Variants in APTX observed in about 807,000 individuals in gnomAD.
The protein encoded by APTX is aprataxin.
A neutral mutation model predicts 42.3 loss-of-function variants in APTX; 33 were observed. The observed-to-expected ratio is 0.78, with a 90% CI of 0.59 to 1.04. The LOEUF is 1.04. Ranked by LOEUF, APTX falls within the 50% of genes least tolerant of loss-of-function variation. APTX has a pLI of 0.00. For missense variants in APTX, 421 were observed against 415.1 expected (o/e 1.01, Z -0.12); for synonymous variants, 130 against 146.7 (o/e 0.89, Z 0.82).
Position 33,020,217 on chromosome 9 carries a change from C to T in APTX, c.-5+4806G>A, listed in dbSNP as rs917728624. The T allele has an allele frequency of 2.4e-5, 5 of 204,920 alleles. No homozygotes were observed. In the South Asian group the frequency reaches 6.9e-4, roughly 28 times the overall value. 12.7% of individuals were successfully genotyped at this position (204,920 alleles called of 1,614,324 possible). A position where few individuals can be genotyped will look rare whatever the true frequency, so the allele number is the denominator to read the frequency against. The stretch of plus-strand genomic sequence containing the variant: ...TGTACTCATTCAAACCTGGACTCAC[C>T]TTTTCCTTCACCCAATTTTGCTCCT... On this transcript the variant is annotated intron_variant, in intron 1 of 6. Coordinates refer to the APTX transcript ENST00000436040.
At chr9:32,989,993 T>A in intron 1 of APTX, 98 bp from the exon 2 acceptor site, 1 of 1,485,280 alleles carries the variant, frequency 6.7e-7, no homozygotes. Flanking sequence ...ATCTACCAGC[T>A]GTTCATCTTG....
intron 1 of APTX, among the ~76,000 whole-genome samples, chr9:32,990,673 G>T (rs1381284573): frequency 6.6e-6 from 1 of 152,166 alleles, no homozygotes; most frequent in African/African-American, 2.4e-5. Context: ...CCAGTAAAAG[G>T]ACTGACTGAC....
chr9:32,973,335 T>C lies in APTX; in HGVS notation c.*163A>G, dbSNP rs1483019016. ...CCCAAATTCCTAATCCTGAAGTACT[T>C]TGAGCCACTCTACATTGTGGCCACT... is the stretch of plus-strand genomic sequence containing the variant. On this transcript the variant is annotated 3_prime_UTR_variant, in exon 8 of 8. Coordinates refer to ENST00000379817, the MANE Select transcript of APTX (RefSeq NM_001195248.2). The C allele has an allele frequency of 2.4e-6, 2 of 847,998 alleles. No homozygotes were observed. Among genetic ancestry groups the C allele is most frequent in the Admixed American group, 2.0e-5 (1 of 50,618 alleles). 52.5% of individuals were successfully genotyped at this position (847,998 alleles called of 1,614,324 possible). A position where few individuals can be genotyped will look rare whatever the true frequency, so the allele number is the denominator to read the frequency against.
upstream of APTX, among the ~76,000 whole-genome samples, chr9:33,005,756 T>C (rs1033455292): frequency 4.6e-5 from 7 of 152,188 alleles, no homozygotes; most frequent in African/African-American, 1.7e-4. Context: ...TTCTGTACTA[T>C]GTAAGGTAAG....
chr9:32,996,068 T>G (rs1834839140), intron 1 of APTX, among the ~76,000 whole-genome samples: 1 of 152,102 alleles, frequency 6.6e-6, no homozygotes. Context: ...AATTAAGGTG[T>G]GTACATTGTT....
chr9:33,003,479 A>G (rs10971289), upstream of APTX, among the ~76,000 whole-genome samples: 10,808 of 152,236 alleles, frequency 0.071, 515 homozygotes, highest in Non-Finnish European at 0.11. Context: ...TCAGGAGTTC[A>G]AGACCAGCCT....
At chr9:32,984,492 T>C in intron 6 of APTX, 139 bp downstream of exon 6, 1 of 821,842 alleles carries the variant, frequency 1.2e-6, no homozygotes, top group Non-Finnish European at 2.0e-6. Context: ...AGGTGGAAGC[T>C]TCAGCCCACC....
chr9:33,022,690 T>A (rs1463172224), intron 1 of APTX, among the ~76,000 whole-genome samples: 1 of 152,226 alleles, frequency 6.6e-6, no homozygotes, highest in Non-Finnish European at 1.5e-5. Context: ...TAGTTATTTA[T>A]CCTGGCATAG....
chr9:33,020,670 T>C (rs1012658765), intron 1 of APTX, among the ~76,000 whole-genome samples: 9 of 152,242 alleles, frequency 5.9e-5, no homozygotes, highest in African/African-American at 1.7e-4. Flanking sequence ...AAAAGTCAGC[T>C]GTCACAGGTT....
At chr9:33,010,371 T>A (rs575603419) in intron 1 of APTX, among the ~76,000 whole-genome samples, 2 of 152,240 alleles carry the variant, frequency 1.3e-5, no homozygotes, top group South Asian at 2.1e-4. Context: ...TCTGAGCAAC[T>A]TCTACATGTC....
intron 1 of APTX, among the ~76,000 whole-genome samples, chr9:33,021,413 T>C (rs1838373511): frequency 6.6e-6 from 1 of 152,140 alleles, no homozygotes; most frequent in Non-Finnish European, 1.5e-5. Context: ...CTGCCAGAAA[T>C]ATTCCTAAGT....
At chr9:33,012,751 TTAAA>T (rs765600511) in intron 1 of APTX, among the ~76,000 whole-genome samples, 18 of 152,290 alleles carry the variant, frequency 1.2e-4, no homozygotes, top group Non-Finnish European at 1.8e-4. Context: ...GGAATTCTGA[TTAAA>T]TAAATGATTG....
At position 33,014,353 on chromosome 9, in the gene APTX, A is replaced by G. The variant is rs142466686; in HGVS notation, c.-5+10670T>C. Among the ~76,000 whole-genome samples, 159 of 152,380 alleles carry G rather than the reference A, an allele frequency of 1.0e-3. 5 individuals carry two copies. Among genetic ancestry groups the G allele is most frequent in the African/African-American group, 3.6e-3 (151 of 41,598 alleles). On this transcript the variant is annotated intron_variant, in intron 1 of 6. Coordinates refer to the APTX transcript ENST00000436040. ...TATTTGGAGATGTGGGAAATTTAACACAAAAATATCTAAAGGGCAGTTTAT... is the reference window on the plus strand; with the variant it reads ...TATTTGGAGATGTGGGAAATTTAACGCAAAAATATCTAAAGGGCAGTTTAT...
intron 1 of APTX, among the ~76,000 whole-genome samples, chr9:33,018,906 CT>C (rs1281593152): frequency 6.6e-6 from 1 of 152,038 alleles, no homozygotes; most frequent in Non-Finnish European, 1.5e-5. Context: ...CTCCTCAAAA[CT>C]GTCAAGGTCC....
At chr9:32,988,253 GCCTATTAGCAATCA>G in intron 2 of APTX, 124 bp from the exon 3 acceptor site, 1 of 824,228 alleles carries the variant, frequency 1.2e-6, no homozygotes, top group South Asian at 1.4e-5. Flanking sequence ...TTCCTTAAAG[GCCTATTAGCAATCA>G]CCTGTTATTG....
intron 1 of APTX, chr9:33,001,219 C>A (rs1396277207): frequency 8.5e-7 from 1 of 1,180,808 alleles, no homozygotes; most frequent in Non-Finnish European, 1.1e-6. Context: ...GTGCCTTTCA[C>A]GAAGCATTTC....
In APTX at chr9:32,985,981, G is replaced by C. The variant is rs1831907112; in HGVS notation, c.533C>G (p.Pro178Arg). ...SQGLKISMQD[P>R]KMQVYKDEQV... ...AAATTGTATTCTGACCTGCATTTTGGGGTCCTGCATAGAAATCTTCAAGCC... is the reference window on the plus strand; with the variant it reads ...AAATTGTATTCTGACCTGCATTTTGCGGTCCTGCATAGAAATCTTCAAGCC... The change falls in exon 5 of 8, where the codon CCC (proline) becomes CGC (arginine). Residue 178 changes from proline to arginine, a missense_variant. Physicochemically the swap from Pro to Arg is moderately radical, Grantham distance 103. Coordinates refer to ENST00000379817, the MANE Select transcript of APTX (RefSeq NM_001195248.2). 1.9e-6 allele frequency: 3 copies of C among 1,607,476 alleles called. No individual in the cohort carries two copies. In the South Asian group the frequency reaches 3.3e-5, roughly 18 times the overall value.
chr9:33,012,949 G>C (rs1234501094), intron 1 of APTX, among the ~76,000 whole-genome samples: 1 of 152,164 alleles, frequency 6.6e-6, no homozygotes, highest in Non-Finnish European at 1.5e-5. Context: ...TTGTGTAAAT[G>C]TTAATGTCTG....
At chr9:33,013,603 G>A (rs1025802395) in intron 1 of APTX, among the ~76,000 whole-genome samples, 8 of 152,096 alleles carry the variant, frequency 5.3e-5, no homozygotes, top group South Asian at 2.1e-4. Context: ...TCAGGAGATC[G>A]AGACCATCCT....
Sources: allele counts gnomAD v4.1 joint callset (sites outside exome capture counted in the v4.1 genomes callset), GRCh38; gene constraint gnomAD v4.1.1; transcripts MANE v1.5; gene names NCBI Gene and HGNC (gene_info 2026-07-23, HGNC 2026-07-21).